Variants in RRAGC observed in about 807,000 individuals in gnomAD.
RRAGC encodes ras-related GTP-binding protein C.
RRAGC carries 8 observed loss-of-function variants against 37.1 expected under a neutral mutation model. The observed-to-expected ratio is 0.22, with a 90% CI of 0.13 to 0.39. The LOEUF (loss-of-function observed/expected upper bound fraction) is 0.39, where lower values mean the gene tolerates loss of function less well. Among genes scored for constraint, RRAGC ranks in the 10% least tolerant of loss-of-function variants. The pLI is 1.00. For synonymous variants in RRAGC, 190 were observed against 181.1 expected, an observed-to-expected ratio of 1.05 and a Z score of -0.39; for missense variants, 342 against 497.6, an observed-to-expected ratio of 0.69 and a Z score of 2.98.
intron 5 of RRAGC, chr1:38,846,423 T>C: frequency 5.3e-6 from 1 of 188,494 alleles, no homozygotes. Context: ...CTGTGTTCTG[T>C]AAACCCAGCT....
chr1:38,851,130 C>T (rs983579174), intron 5 of RRAGC, among the ~76,000 whole-genome samples: 1 of 152,206 alleles, frequency 6.6e-6, no homozygotes, highest in Admixed American at 6.5e-5. Context: ...ATTTTGGAAA[C>T]TTGTATATAT....
intron 1 of RRAGC, among the ~76,000 whole-genome samples, chr1:38,857,868 G>A (rs1243585061): frequency 6.6e-6 from 1 of 152,152 alleles, no homozygotes; most frequent in Non-Finnish European, 1.5e-5. Context: ...GCTGAGGCAG[G>A]AGAATCACTT....
At chr1:38,852,612 A>G (rs188860509) in intron 3 of RRAGC, 124 bp from the exon 4 acceptor site, 203 of 563,534 alleles carry the variant, frequency 3.6e-4, no homozygotes, top group African/African-American at 3.5e-3. Context: ...AAGCCTCTTT[A>G]TCTTGTCTAC....
chr1:38,855,596 G>T, intron 3 of RRAGC, 112 bp downstream of exon 3: 1 of 848,842 alleles, frequency 1.2e-6, no homozygotes, highest in Non-Finnish European at 1.9e-6. Context: ...AAACATAAAA[G>T]ATGTGGCAAA....
intron 6 of RRAGC, among the ~76,000 whole-genome samples, chr1:38,842,531 A>G (rs1032532056): frequency 6.6e-6 from 1 of 152,210 alleles, no homozygotes; most frequent in East Asian, 1.9e-4. Flanking sequence ...AGCATTATTA[A>G]GGACAAGAAG....
chr1:38,852,746 T>A (rs1642115225), intron 3 of RRAGC: 3 of 223,390 alleles, frequency 1.3e-5, no homozygotes, highest in South Asian at 1.4e-4. Flanking sequence ...AACTCCAATA[T>A]TCACCGAAGT....
intron 5 of RRAGC, 44 bp from the exon 6 acceptor site, chr1:38,846,131 G>C: frequency 6.8e-7 from 1 of 1,478,036 alleles, no homozygotes; most frequent in Non-Finnish European, 9.3e-7. Flanking sequence ...TTCCCATCTA[G>C]GCATCTGCCA....
chr1:38,842,184 A>T (rs1369405938), intron 6 of RRAGC, among the ~76,000 whole-genome samples: 1 of 152,192 alleles, frequency 6.6e-6, no homozygotes. Context: ...AGGCAGGAGA[A>T]TGGCATGAAC....
intron 3 of RRAGC, among the ~76,000 whole-genome samples, chr1:38,853,935 C>T (rs1389334145): frequency 6.6e-6 from 1 of 151,954 alleles, no homozygotes; most frequent in Non-Finnish European, 1.5e-5. Context: ...ATGTCCCGCA[C>T]CTTTGAGGCT....
chr1:38,859,352 G>T, intron 1 of RRAGC, 58 bp downstream of exon 1: 1 of 1,473,844 alleles, frequency 6.8e-7, no homozygotes, highest in Non-Finnish European at 9.2e-7. Context: ...GGGCGTCCCC[G>T]CTACCGGCCA....
rs1381468799 is a variant in RRAGC at position 38,859,742 on chromosome 1, C to T, written c.-96G>A. On this transcript the variant is annotated 5_prime_UTR_variant, in exon 1 of 7. It adds an upstream start codon to the 5' untranslated region. Transcript: ENST00000373001. ...TCCGCCTCCGCCGCCGCCGCCACCACCGCCACCGCCCCCGGCAGCCGCCAC... is the reference window on the plus strand; with the variant it reads ...TCCGCCTCCGCCGCCGCCGCCACCATCGCCACCGCCCCCGGCAGCCGCCAC... 2.8e-6 allele frequency: 3 copies of T among 1,074,492 alleles called. No homozygotes were observed. The highest frequency in any genetic ancestry group is 4.5e-5 in the Admixed American group (1 of 22,266). 66.6% of individuals were successfully genotyped at this position (1,074,492 alleles called of 1,614,324 possible). A position where few individuals can be genotyped will look rare whatever the true frequency, so the allele number is the denominator to read the frequency against.
chr1:38,851,845 C>T (rs1407634304), intron 4 of RRAGC, 88 bp from the exon 5 acceptor site: 1 of 1,208,622 alleles, frequency 8.3e-7, no homozygotes, highest in African/African-American at 1.5e-5. Flanking sequence ...TGAATAACAT[C>T]CAAGGTCATT....
chr1:38,839,377 C>A lies in RRAGC; in HGVS notation c.*176G>T. Reference sequence around the variant, plus strand: ...ATTTTCAAAAAAGATATAGTAGCTTCAGTTGTACACCACCAGTTGAAGGGG... The same window carrying A: ...ATTTTCAAAAAAGATATAGTAGCTTAAGTTGTACACCACCAGTTGAAGGGG... On this transcript the variant is annotated 3_prime_UTR_variant, in exon 7 of 7. Coordinates refer to ENST00000373001, the MANE Select transcript of RRAGC (RefSeq NM_022157.4). The A allele has an allele frequency of 2.2e-6, 1 of 453,574 alleles. No homozygotes were observed. Among genetic ancestry groups the A allele is most frequent in the Non-Finnish European group, 3.8e-6 (1 of 264,834 alleles). 28.1% of individuals were successfully genotyped at this position (453,574 alleles called of 1,614,324 possible).
At chr1:38,854,125 T>C (rs1037390600) in intron 3 of RRAGC, among the ~76,000 whole-genome samples, 2 of 145,378 alleles carry the variant, frequency 1.4e-5, no homozygotes, top group African/African-American at 5.1e-5. Context: ...TGGAGTCCAG[T>C]GGCACGATCT....
rs567068341 is a variant in RRAGC at position 38,852,950 on chromosome 1, T to C, written c.642-462A>G. ...AAATAGCACTCGTGTACCCAAGGCT[T>C]TCAACCCCTTTCCCCTAATTTGTTT... On this transcript the variant is annotated intron_variant, in intron 3 of 6. Transcript: ENST00000373001. Among the ~76,000 whole-genome samples the C allele has an allele frequency of 1.5e-3, 224 of 152,294 alleles. 1 individual carries two copies. The highest frequency in any genetic ancestry group is 5.0e-3 in the African/African-American group (206 of 41,562).
chr1:38,859,635 C>G lies in RRAGC; in HGVS notation c.12G>C (p.Gln4His). ...CGAGGGGCGTCTCCTCCGCCCCGTA[C>G]TGCAGGGACATGGTGCTGGAGCCGC... MSL[Q>H]YGAEETPLAG... The change falls in exon 1 of 7, where the codon CAG becomes CAC. Residue 4 changes from glutamine (Q) to histidine (H), a missense_variant. By Grantham distance (24) the Gln-to-His change is conservative. This residue lies in a region of RRAGC where 104 missense variants were observed against 93.4 expected (regional missense o/e 1.11). Transcript: ENST00000373001. 1.3e-6 allele frequency: 2 copies of G among 1,558,740 alleles called. No homozygotes were observed. The highest frequency in any genetic ancestry group is 1.7e-6 in the Non-Finnish European group (2 of 1,152,984).
chr1:38,859,390 C>G lies in RRAGC; in HGVS notation c.237+20G>C. On this transcript the variant is annotated intron_variant, in intron 1 of 6. Coordinates refer to ENST00000373001, the MANE Select transcript of RRAGC (RefSeq NM_022157.4). ...TGAGAACCGGGGAGGGGGCGGGGGA[C>G]TGGGCGCAGCCCTGCTCACCTTCTG... The G allele has an allele frequency of 6.5e-7, 1 of 1,543,688 alleles. No homozygotes were observed.
rs141044110 is a variant in RRAGC, at chr1:38,849,955, C to T, written c.899+1660G>A. Among the ~76,000 whole-genome samples the T allele has an allele frequency of 4.9e-3, 738 of 152,072 alleles. 9 individuals are homozygous for T. The highest frequency in any genetic ancestry group is 0.016 in the African/African-American group (682 of 41,444). On this transcript the variant is annotated intron_variant, in intron 5 of 6. Coordinates refer to ENST00000373001, the MANE Select transcript of RRAGC (RefSeq NM_022157.4). ...GGCATGGTGGCTCATGCCTGTAATCCCAGCGCTTTGGGAGGCCACGGCGGG... is the reference window on the plus strand; with the variant it reads ...GGCATGGTGGCTCATGCCTGTAATCTCAGCGCTTTGGGAGGCCACGGCGGG...
chr1:38,839,936 G>A (rs1369648605), intron 6 of RRAGC, among the ~76,000 whole-genome samples: 1 of 151,922 alleles, frequency 6.6e-6, no homozygotes, highest in Non-Finnish European at 1.5e-5. Flanking sequence ...CACAAGGTCA[G>A]GAGATCAAGA....
Sources: gnomAD v4.1 joint callset for allele counts (sites outside exome capture counted in the v4.1 genomes callset) on GRCh38, gnomAD v4.1.1 for gene constraint, gnomAD v4.1.1 regional missense constraint, MANE v1.5 for transcripts, NCBI Gene and HGNC (gene_info 2026-07-23, HGNC 2026-07-21) for gene names.